Variants in C7orf78 observed in about 807,000 individuals in gnomAD.
C7orf78 encodes putative uncharacterized protein C7orf78.
At chr7:12,532,090 G>C in the C7orf78 span, among the ~76,000 whole-genome samples, 8 of 152,158 alleles carry the variant, frequency 5.3e-5, no homozygotes, top group Non-Finnish European at 1.0e-4. Flanking sequence ...GCTGGCAAAG[G>C]GAAGGGAAGA....
chr7:12,497,725 G>A, the C7orf78 span, among the ~76,000 whole-genome samples: 52 of 152,046 alleles, frequency 3.4e-4, 1 homozygote, highest in African/African-American at 1.2e-3. Context: ...ACTGGGTGGA[G>A]CCCACCACAG....
chr7:12,539,878 G>T, the C7orf78 span, among the ~76,000 whole-genome samples: 1 of 152,288 alleles, frequency 6.6e-6, no homozygotes, highest in African/African-American at 2.4e-5. Flanking sequence ...AGGGCTCCAG[G>T]CTTCTCATTG....
chr7:12,493,255 G>C, the C7orf78 span, among the ~76,000 whole-genome samples: 1 of 152,210 alleles, frequency 6.6e-6, no homozygotes, highest in African/African-American at 2.4e-5. Context: ...AGGATATGTA[G>C]TGTTTTAATT....
the C7orf78 span, among the ~76,000 whole-genome samples, chr7:12,518,750 T>A: frequency 6.6e-6 from 1 of 152,020 alleles, no homozygotes; most frequent in East Asian, 1.9e-4. Flanking sequence ...GGGGATAGGC[T>A]GTAGTAGGCA....
chr7:12,493,115 T>C, the C7orf78 span, among the ~76,000 whole-genome samples: 1 of 152,088 alleles, frequency 6.6e-6, no homozygotes, highest in Admixed American at 6.6e-5. Flanking sequence ...GGTGAGAGAA[T>C]TGCTTGATCC....
the C7orf78 span, among the ~76,000 whole-genome samples, chr7:12,509,905 G>A: frequency 6.6e-6 from 1 of 151,890 alleles, no homozygotes; most frequent in Non-Finnish European, 1.5e-5. Context: ...GTGGTGGCGG[G>A]TGCCTGTAAT....
chr7:12,511,568 C>T, the C7orf78 span, among the ~76,000 whole-genome samples: 2 of 152,022 alleles, frequency 1.3e-5, no homozygotes, highest in South Asian at 4.1e-4. Flanking sequence ...TGTAGCTTTC[C>T]TTATAGAGAT....
the C7orf78 span, among the ~76,000 whole-genome samples, chr7:12,492,748 C>G: frequency 6.6e-5 from 10 of 152,296 alleles, no homozygotes; most frequent in African/African-American, 2.4e-4. Context: ...ATGACAGCAT[C>G]AAATGCCTTG....
At chr7:12,522,003 A>T in the C7orf78 span, among the ~76,000 whole-genome samples, 12 of 152,060 alleles carry the variant, frequency 7.9e-5, no homozygotes, top group Admixed American at 6.6e-4. Context: ...TCACTGCAAA[A>T]TATTACAAAT....
chr7:12,483,872 C>G, the C7orf78 span: 1 of 75,636 alleles, frequency 1.3e-5, no homozygotes, highest in Non-Finnish European at 2.5e-5. Flanking sequence ...GAGCAAAACT[C>G]CATCTCAAAA....
chr7:12,513,337 T>C, the C7orf78 span, among the ~76,000 whole-genome samples: 2 of 152,052 alleles, frequency 1.3e-5, no homozygotes, highest in Non-Finnish European at 2.9e-5. Flanking sequence ...TCTTTGTTTT[T>C]TTGGTTGTCG....
At chr7:12,519,535 G>C in the C7orf78 span, among the ~76,000 whole-genome samples, 1 of 152,190 alleles carries the variant, frequency 6.6e-6, no homozygotes, top group African/African-American at 2.4e-5. Context: ...ATGGCACTGT[G>C]CACATGTAGA....
At chr7:12,491,863 A>T in the C7orf78 span, 1 of 152,170 alleles carries the variant, frequency 6.6e-6, no homozygotes, top group Non-Finnish European at 1.5e-5. Context: ...CATTTAGTTT[A>T]CCTTACAGAA....
At chr7:12,519,824 T>C in the C7orf78 span, among the ~76,000 whole-genome samples, 1 of 152,148 alleles carries the variant, frequency 6.6e-6, no homozygotes, top group South Asian at 2.1e-4. Context: ...CCAGGGGATA[T>C]AAACAGAGGT....
At chr7:12,509,962 A>T in the C7orf78 span, among the ~76,000 whole-genome samples, 1 of 149,764 alleles carries the variant, frequency 6.7e-6, no homozygotes, top group Non-Finnish European at 1.5e-5. Context: ...TGAACCCGGG[A>T]GGCAGAGGTT....
the C7orf78 span, among the ~76,000 whole-genome samples, chr7:12,537,444 T>G: frequency 6.6e-6 from 1 of 152,080 alleles, no homozygotes; most frequent in African/African-American, 2.4e-5. Flanking sequence ...AAGATGAGAT[T>G]TGGGTGGGGA....
the C7orf78 span, among the ~76,000 whole-genome samples, chr7:12,514,216 A>T: frequency 6.6e-6 from 1 of 152,034 alleles, no homozygotes. Context: ...TGCTTTATAG[A>T]TCTGGGTGCT....
At chr7:12,519,125 A>G in the C7orf78 span, among the ~76,000 whole-genome samples, 1 of 152,068 alleles carries the variant, frequency 6.6e-6, no homozygotes, top group Non-Finnish European at 1.5e-5. Flanking sequence ...GCCAGAGCAC[A>G]TGACCATACT....
the C7orf78 span, among the ~76,000 whole-genome samples, chr7:12,516,692 G>C: frequency 6.6e-6 from 1 of 152,204 alleles, no homozygotes; most frequent in Non-Finnish European, 1.5e-5. Flanking sequence ...CCCACCTCTT[G>C]CATCAGCATG....
Sources: gnomAD v4.1 joint callset for allele counts (sites outside exome capture counted in the v4.1 genomes callset) on GRCh38, gnomAD v4.1.1 for gene constraint, MANE v1.5 for transcripts, NCBI Gene and HGNC (gene_info 2026-07-23, HGNC 2026-07-21) for gene names.